Variants in GPC5 observed in about 807,000 individuals in gnomAD.
GPC5 encodes glypican-5.
A neutral mutation model predicts 53.9 loss-of-function variants in GPC5; 47 were observed. The observed-to-expected ratio is 0.87, with a 90% CI of 0.69 to 1.11. The LOEUF is 1.11. Among genes scored for constraint, GPC5 ranks in the 50% most tolerant of loss-of-function variants. GPC5 has a pLI of 0.00. For missense variants in GPC5, 748 were observed against 713.1 expected, an observed-to-expected ratio of 1.05 and a Z score of -0.56; for synonymous variants, 286 against 263.3, an observed-to-expected ratio of 1.09 and a Z score of -0.84.
At chr13:92,651,078 A>G (rs1426417383) in intron 7 of GPC5, among the ~76,000 whole-genome samples, 1 of 152,048 alleles carries the variant, frequency 6.6e-6, no homozygotes, top group Non-Finnish European at 1.5e-5. Context: ...AAAGGACATG[A>G]TCTCATTCAT....
At chr13:91,399,821 G>A (rs1224325136) in intron 1 of GPC5, among the ~76,000 whole-genome samples, 1 of 152,142 alleles carries the variant, frequency 6.6e-6, no homozygotes, top group Non-Finnish European at 1.5e-5. Context: ...GTGTCTCCCA[G>A]CACCAAGGTA....
At chr13:92,513,040 G>A (rs988609381) in intron 7 of GPC5, among the ~76,000 whole-genome samples, 5 of 152,180 alleles carry the variant, frequency 3.3e-5, no homozygotes, top group Non-Finnish European at 7.3e-5. Context: ...ATGCTCAGCC[G>A]AGCAGCAGGG....
chr13:92,551,420 T>G (rs2139016590), intron 7 of GPC5, among the ~76,000 whole-genome samples: 1 of 151,846 alleles, frequency 6.6e-6, no homozygotes, highest in East Asian at 1.9e-4. Context: ...AAAAAAATCT[T>G]GAATAACAGT....
At chr13:91,450,804 A>G (rs1284973430) in intron 2 of GPC5, among the ~76,000 whole-genome samples, 2 of 152,128 alleles carry the variant, frequency 1.3e-5, no homozygotes, top group Non-Finnish European at 2.9e-5. Flanking sequence ...TTTCTTCCTT[A>G]GTAGATGTCA....
chr13:92,085,922 G>A (rs373805915), intron 6 of GPC5, among the ~76,000 whole-genome samples: 4 of 152,168 alleles, frequency 2.6e-5, no homozygotes, highest in South Asian at 2.1e-4. Flanking sequence ...TCACTCAGCC[G>A]CCACTCACCC....
At chr13:91,604,140 C>T (rs1055921542) in intron 2 of GPC5, among the ~76,000 whole-genome samples, 1 of 144,440 alleles carries the variant, frequency 6.9e-6, no homozygotes, top group African/African-American at 2.6e-5. Context: ...GTGTGATATT[C>T]CCCTTCCTGT....
intron 3 of GPC5, among the ~76,000 whole-genome samples, chr13:91,701,466 C>T (rs2035990146): frequency 1.3e-5 from 2 of 152,056 alleles, no homozygotes; most frequent in Non-Finnish European, 2.9e-5. Flanking sequence ...TGACTTATTT[C>T]ACTTAGCATA....
chr13:92,593,816 C>T lies in GPC5; in HGVS notation c.1562-272466C>T, dbSNP rs111235024. Among the ~76,000 whole-genome samples the T allele has an allele frequency of 1.7e-4, 26 of 152,208 alleles. 1 individual carries two copies. The highest frequency in any genetic ancestry group is 3.4e-3 in the Middle Eastern group (1 of 294). ...AAATGCTCTGAAATGGCAAGTAAGA[C>T]GTAACCTTGACAAAGGTATTTCAGT... is the stretch of plus-strand genomic sequence containing the variant. On this transcript the variant is annotated intron_variant, in intron 7 of 7. Coordinates refer to ENST00000377067, the MANE Select transcript of GPC5 (RefSeq NM_004466.6).
intron 1 of GPC5, among the ~76,000 whole-genome samples, chr13:91,442,813 T>C (rs79977572): frequency 0.051 from 7,737 of 152,272 alleles, 296 homozygotes; most frequent in East Asian, 0.18. Context: ...GCTTAATGCC[T>C]ATATCCATCA....
intron 6 of GPC5, among the ~76,000 whole-genome samples, chr13:91,928,028 C>G (rs2039785148): frequency 6.6e-6 from 1 of 152,174 alleles, no homozygotes; most frequent in Non-Finnish European, 1.5e-5. Flanking sequence ...GTCAGGGCAA[C>G]TGATTTTGCA....
At chr13:92,846,645 A>G (rs1336973182) in intron 7 of GPC5, among the ~76,000 whole-genome samples, 1 of 152,172 alleles carries the variant, frequency 6.6e-6, no homozygotes, top group African/African-American at 2.4e-5. Context: ...AATATTAGTG[A>G]GAGTGAAATG....
intron 2 of GPC5, among the ~76,000 whole-genome samples, chr13:91,505,717 T>A (rs997867451): frequency 6.6e-6 from 1 of 152,218 alleles, no homozygotes; most frequent in African/African-American, 2.4e-5. Context: ...CCCGTTTTAC[T>A]TTTTGTGTCC....
chr13:91,431,451 TAAAAC>T (rs1461611010), intron 1 of GPC5, among the ~76,000 whole-genome samples: 3 of 152,222 alleles, frequency 2.0e-5, no homozygotes, highest in Admixed American at 2.0e-4. Flanking sequence ...AGAAAATAAT[TAAAAC>T]AGAAAATGTA....
chr13:92,732,597 G>T (rs1307238703), intron 7 of GPC5, among the ~76,000 whole-genome samples: 4 of 151,440 alleles, frequency 2.6e-5, no homozygotes, highest in African/African-American at 9.7e-5. Context: ...CTCAAAGTTA[G>T]CAAATGAAAG....
At chr13:91,597,059 A>G (rs932767442) in intron 2 of GPC5, among the ~76,000 whole-genome samples, 2 of 152,208 alleles carry the variant, frequency 1.3e-5, no homozygotes, top group African/African-American at 4.8e-5. Context: ...GCCCACTGCA[A>G]GGCCTGGAAA....
At chr13:91,963,588 A>T (rs1423823234) in intron 6 of GPC5, among the ~76,000 whole-genome samples, 1 of 152,194 alleles carries the variant, frequency 6.6e-6, no homozygotes, top group African/African-American at 2.4e-5. Context: ...ACTTTACAGC[A>T]GTTAGACACA....
chr13:91,823,361 CA>C (rs2038525947), intron 5 of GPC5, among the ~76,000 whole-genome samples: 1 of 151,972 alleles, frequency 6.6e-6, no homozygotes, highest in Non-Finnish European at 1.5e-5. Context: ...ATATTTTTAA[CA>C]AAATGTCTTT....
chr13:91,703,010 T>C (rs1470633582), intron 3 of GPC5, among the ~76,000 whole-genome samples: 1 of 152,150 alleles, frequency 6.6e-6, no homozygotes, highest in East Asian at 1.9e-4. Flanking sequence ...AATATACCTG[T>C]TGGTCATTTA....
chr13:92,701,610 G>A (rs537222653), intron 7 of GPC5: 1 of 152,062 alleles, frequency 6.6e-6, no homozygotes, highest in Admixed American at 6.6e-5. Context: ...TTAGACATAA[G>A]AGCTATTAAG....
Sources: allele counts gnomAD v4.1 joint callset (sites outside exome capture counted in the v4.1 genomes callset), GRCh38; gene constraint gnomAD v4.1.1; transcripts MANE v1.5; gene names NCBI Gene and HGNC (gene_info 2026-07-23, HGNC 2026-07-21).